TNIK: variants seen among roughly 807,000 people sequenced by gnomAD.
TNIK encodes the protein TRAF2 and NCK interacting kinase, also known as TRAF2 and NCK-interacting protein kinase.
A neutral mutation model predicts 191.3 loss-of-function variants in TNIK; 49 were observed. The ratio of observed to expected loss-of-function variants is 0.26; its 90% CI spans 0.20 to 0.32. The LOEUF is 0.32. TNIK is among the 10% of genes least tolerant of loss of function. The pLI is 1.00. For missense variants in TNIK, 1,155 were observed against 1,702.3 expected (o/e 0.68, Z 5.66); for synonymous variants, 594 against 600.9 (o/e 0.99, Z 0.17).
intron 2 of TNIK, among the ~76,000 whole-genome samples, chr3:171,231,324 T>TG (rs1243708575): frequency 6.6e-6 from 1 of 151,684 alleles, no homozygotes; most frequent in African/African-American, 2.4e-5. Flanking sequence ...TTTGTTTTTT[T>TG]TTTTGTTTTT....
intron 1 of TNIK, among the ~76,000 whole-genome samples, chr3:171,417,743 T>C (rs150160446): frequency 2.0e-5 from 3 of 152,258 alleles, no homozygotes; most frequent in Non-Finnish European, 4.4e-5. Context: ...CACCCTTTTG[T>C]GACAATCCCC....
intron 21 of TNIK, among the ~76,000 whole-genome samples, chr3:171,104,536 G>A (rs950338085): frequency 6.6e-6 from 1 of 151,208 alleles, no homozygotes; most frequent in African/African-American, 2.5e-5. Context: ...AGATAGCTAC[G>A]AGGCTTAACA....
chr3:171,313,239 GCTTTCTTT>G (rs71762733), intron 2 of TNIK, among the ~76,000 whole-genome samples: 6,871 of 150,362 alleles, frequency 0.046, 205 homozygotes, highest in Non-Finnish European at 0.068. Flanking sequence ...CCAACATTTA[GCTTTCTTT>G]CTTTCTTTCT....
chr3:171,151,829 C>T (rs1272991245), intron 12 of TNIK, among the ~76,000 whole-genome samples: 1 of 152,218 alleles, frequency 6.6e-6, no homozygotes, highest in African/African-American at 2.4e-5. Context: ...TTCCCCACCA[C>T]CTCACCACTC....
At chr3:171,179,625 G>C (rs1282978902) in intron 7 of TNIK, among the ~76,000 whole-genome samples, 1 of 152,030 alleles carries the variant, frequency 6.6e-6, no homozygotes, top group East Asian at 1.9e-4. Context: ...CTAATTTTTT[G>C]TGTTTTTAGT....
intron 1 of TNIK, among the ~76,000 whole-genome samples, chr3:171,432,983 T>C (rs1301522254): frequency 2.0e-5 from 3 of 152,150 alleles, no homozygotes; most frequent in Non-Finnish European, 4.4e-5. Flanking sequence ...TATCAGATAA[T>C]ATAATGTATT....
chr3:171,089,925 G>A (rs1438215051), intron 23 of TNIK, among the ~76,000 whole-genome samples: 9 of 152,154 alleles, frequency 5.9e-5, no homozygotes, highest in African/African-American at 2.2e-4. Flanking sequence ...CTATGGCAGA[G>A]CCCAGGTGCT....
chr3:171,228,100 G>T, intron 3 of TNIK, 65 bp downstream of exon 3: 1 of 1,546,346 alleles, frequency 6.5e-7, no homozygotes, highest in Non-Finnish European at 8.9e-7. Context: ...CTATCAGGAT[G>T]TGAACTCATC....
intron 1 of TNIK, among the ~76,000 whole-genome samples, chr3:171,382,735 A>G (rs1353368031): frequency 6.6e-6 from 1 of 152,136 alleles, no homozygotes; most frequent in Admixed American, 6.5e-5. Flanking sequence ...TTAGTCTGGT[A>G]CTTGGATAGC....
In TNIK at chr3:171,362,890, CA is replaced by C. The variant is rs1715178508; in HGVS notation, c.123+6729del. 2.0e-5 allele frequency among the ~76,000 whole-genome samples: 3 copies of C among 152,296 alleles called. No homozygotes were observed. The South Asian group carries it at 6.2e-4, about 32-fold the overall frequency. On this transcript the variant is annotated intron_variant, in intron 2 of 32. Transcript: ENST00000436636. ...ACACTCCCAGATACAGTGGAAATGC[CA>C]AAGCCTCTAAGCTTTTTCCAAACCC... is the stretch of plus-strand genomic sequence containing the variant.
At chr3:171,250,227 T>C (rs1418601780) in intron 2 of TNIK, among the ~76,000 whole-genome samples, 1 of 152,244 alleles carries the variant, frequency 6.6e-6, no homozygotes, top group East Asian at 1.9e-4. Flanking sequence ...CTTTGCTTTC[T>C]GGTAATGCCA....
intron 2 of TNIK, among the ~76,000 whole-genome samples, chr3:171,277,432 G>T (rs1010350973): frequency 1.3e-5 from 2 of 152,036 alleles, no homozygotes; most frequent in African/African-American, 4.8e-5. Flanking sequence ...GTTGCTTTTG[G>T]GGAACAGGTT....
At chr3:171,351,037 C>T (rs764157819) in intron 2 of TNIK, among the ~76,000 whole-genome samples, 8 of 152,050 alleles carry the variant, frequency 5.3e-5, no homozygotes, top group Non-Finnish European at 2.9e-5. Flanking sequence ...ACTACAGGCA[C>T]GTGCCTCTAC....
At chr3:171,416,074 C>T (rs1435652471) in intron 1 of TNIK, among the ~76,000 whole-genome samples, 1 of 151,784 alleles carries the variant, frequency 6.6e-6, no homozygotes, top group African/African-American at 2.4e-5. Flanking sequence ...CCTTCTACCC[C>T]CCAGGCAAGA....
chr3:171,307,287 G>T (rs564233269), intron 2 of TNIK, among the ~76,000 whole-genome samples: 1 of 152,198 alleles, frequency 6.6e-6, no homozygotes, highest in Non-Finnish European at 1.5e-5. Context: ...CCAGGCTCAG[G>T]ATCATCAAAT....
At chr3:171,453,932 C>T (rs912513347) in intron 1 of TNIK, among the ~76,000 whole-genome samples, 3 of 152,152 alleles carry the variant, frequency 2.0e-5, no homozygotes, top group Non-Finnish European at 4.4e-5. Context: ...GAATCACAAG[C>T]GGAATTCATC....
chr3:171,341,765 GGA>G (rs1197094161), intron 2 of TNIK, among the ~76,000 whole-genome samples: 2 of 152,102 alleles, frequency 1.3e-5, no homozygotes, highest in African/African-American at 4.8e-5. Context: ...CAGTCTAATA[GGA>G]GAGAGGCTTA....
chr3:171,385,132 G>A (rs897566727), intron 1 of TNIK, among the ~76,000 whole-genome samples: 10 of 152,176 alleles, frequency 6.6e-5, no homozygotes, highest in Non-Finnish European at 1.3e-4. Context: ...CCACTGGTTT[G>A]AGGATGGAGT....
rs1456471237 is a variant in TNIK at position 171,126,103 on chromosome 3, A to T, written c.1822T>A (p.Ser608Thr). ...VKSQGPALTA[S>T]QSVHEQPTKG... Reference sequence around the variant, plus strand: ...GTGGGCTGCTCGTGCACTGACTGGGAGGCGGTCAAGGCAGGTCCCTGGGAT... The same window carrying T: ...GTGGGCTGCTCGTGCACTGACTGGGTGGCGGTCAAGGCAGGTCCCTGGGAT... Residue 608 changes from serine to threonine, a missense_variant, in exon 17 of 33, where the codon TCC becomes ACC. Coordinates refer to ENST00000436636, the MANE Select transcript of TNIK (RefSeq NM_015028.4). The T allele has an allele frequency of 6.3e-7, 1 of 1,584,714 alleles. No individual in the cohort carries two copies. Among genetic ancestry groups the T allele is most frequent in the East Asian group, 2.2e-5 (1 of 44,516 alleles).
Sources: allele counts gnomAD v4.1 joint callset (sites outside exome capture counted in the v4.1 genomes callset), GRCh38; gene constraint gnomAD v4.1.1; transcripts MANE v1.5; gene names NCBI Gene and HGNC (gene_info 2026-07-23, HGNC 2026-07-21).